The following ACTR3 variants were observed in gnomAD, a reference collection of about 807,000 sequenced individuals.
ACTR3 encodes actin-related protein 3.
In ACTR3, 12 loss-of-function variants were observed where a neutral mutation model predicts 56.8. That is an observed-to-expected ratio of 0.21 (90% confidence interval 0.14 to 0.34). The LOEUF (loss-of-function observed/expected upper bound fraction) is 0.34, where lower values mean the gene tolerates loss of function less well. ACTR3 is among the 10% of genes least tolerant of loss of function. The probability of loss-of-function intolerance (pLI) is 1.00; values close to 1 mark genes in which losing one functional copy is unlikely to be tolerated. For missense variants in ACTR3, 282 were observed against 512.5 expected (o/e 0.55, Z 4.34); for synonymous variants, 162 against 167.4 (o/e 0.97, Z 0.25).
chr2:113,956,585 G>C (rs969883965), intron 11 of ACTR3, among the ~76,000 whole-genome samples: 1 of 152,034 alleles, frequency 6.6e-6, no homozygotes, highest in African/African-American at 2.4e-5. Flanking sequence ...ACTGAATAAA[G>C]GGAATTATTC....
chr2:113,922,623 G>A (rs1173823329), intron 3 of ACTR3, among the ~76,000 whole-genome samples: 2 of 84,722 alleles, frequency 2.4e-5, no homozygotes, highest in Non-Finnish European at 2.4e-5. Context: ...TGAGAATAAT[G>A]ACTATGAATT....
chr2:113,927,286 TTTTA>T (rs905232283), intron 3 of ACTR3, 55 bp from the exon 4 acceptor site: 25 of 1,176,216 alleles, frequency 2.1e-5, no homozygotes, highest in Admixed American at 1.3e-4. Flanking sequence ...TTTTTTGTAT[TTTTA>T]TTTGTTTTTT....
At chr2:113,894,363 G>A (rs6730373) in intron 1 of ACTR3, among the ~76,000 whole-genome samples, 18,638 of 152,136 alleles carry the variant, frequency 0.12, 1,825 homozygotes, top group African/African-American at 0.27. Flanking sequence ...AGAGTGCTGG[G>A]ATTACAGACA....
chr2:113,904,839 G>C, intron 1 of ACTR3: 1 of 152,090 alleles, frequency 6.6e-6, no homozygotes, highest in Admixed American at 6.5e-5. Context: ...AACCATTTCT[G>C]TTGTTCTGGG....
chr2:113,909,213 A>G (rs1001844800), intron 1 of ACTR3, among the ~76,000 whole-genome samples: 1 of 152,170 alleles, frequency 6.6e-6, no homozygotes, highest in Non-Finnish European at 1.5e-5. Context: ...ACAATTGGAT[A>G]CTGTATGCAT....
intron 6 of ACTR3, among the ~76,000 whole-genome samples, chr2:113,936,302 C>CAAAAAAAA (rs61526382): frequency 1.2e-3 from 94 of 78,280 alleles, no homozygotes; most frequent in African/African-American, 4.3e-3. Context: ...ACCCTGTCTC[C>CAAAAAAAA]AAAAAAAAAA....
chr2:113,928,409 G>A (rs1290791838), intron 4 of ACTR3, among the ~76,000 whole-genome samples: 7 of 152,110 alleles, frequency 4.6e-5, no homozygotes, highest in Non-Finnish European at 7.4e-5. Flanking sequence ...ACTTTAGCAC[G>A]TATTTCATCA....
chr2:113,940,819 G>T (rs1421516445), intron 7 of ACTR3, among the ~76,000 whole-genome samples: 11 of 134,592 alleles, frequency 8.2e-5, no homozygotes, highest in Admixed American at 2.2e-4. Context: ...TATTTTTATT[G>T]ATTTTTTTTT....
intron 1 of ACTR3, among the ~76,000 whole-genome samples, chr2:113,896,050 G>C (rs1679002218): frequency 6.6e-6 from 1 of 152,084 alleles, no homozygotes. Context: ...TGTAGAGATG[G>C]GGTCTCACTG....
chr2:113,925,853 A>G (rs1679610494), intron 3 of ACTR3, among the ~76,000 whole-genome samples: 1 of 152,176 alleles, frequency 6.6e-6, no homozygotes, highest in African/African-American at 2.4e-5. Flanking sequence ...TTTGTTCATT[A>G]ATTTGTTTAA....
intron 1 of ACTR3, 84 bp from the exon 2 acceptor site, chr2:113,913,088 C>A: frequency 1.1e-6 from 1 of 926,826 alleles, no homozygotes; most frequent in South Asian, 1.6e-5. Context: ...TGGAATCTCA[C>A]TTCATAACAA....
rs182309202 is a variant in ACTR3, at chr2:113,902,867, G to T, written c.45-10305G>T. 1.7e-3 allele frequency among the ~76,000 whole-genome samples: 252 copies of T among 152,320 alleles called. 2 individuals carry two copies. Among genetic ancestry groups the T allele is most frequent in the Non-Finnish European group, 7.2e-4 (49 of 68,034 alleles). On this transcript the variant is annotated intron_variant, in intron 1 of 11. Coordinates refer to ENST00000263238, the MANE Select transcript of ACTR3 (RefSeq NM_005721.5). ...GCCCGCCTGGGCCTCCCAAAGTGCT[G>T]GGATTACAGGGATGAGCCACTGCTT...
chr2:113,932,094 TC>T (rs1679734166), intron 5 of ACTR3, among the ~76,000 whole-genome samples: 1 of 152,226 alleles, frequency 6.6e-6, no homozygotes, highest in Non-Finnish European at 1.5e-5. Flanking sequence ...CTGACTTTGC[TC>T]TTTCTTGGGA....
At chr2:113,930,004 G>A (rs6732715) in intron 4 of ACTR3, among the ~76,000 whole-genome samples, 152,026 of 152,360 alleles carry the variant, frequency 1, 75,846 homozygotes, top group Middle Eastern at 1. Flanking sequence ...AATTTTAGCC[G>A]TTCTGGTGGG....
intron 3 of ACTR3, among the ~76,000 whole-genome samples, chr2:113,925,731 A>G (rs572794355): frequency 7.0e-4 from 106 of 152,322 alleles, no homozygotes; most frequent in African/African-American, 2.4e-3. Flanking sequence ...TTCCTTCCTT[A>G]AAGCAAACTG....
chr2:113,929,959 G>A (rs1261271481), intron 4 of ACTR3, among the ~76,000 whole-genome samples: 1 of 152,166 alleles, frequency 6.6e-6, no homozygotes, highest in African/African-American at 2.4e-5. Context: ...GATTATAGAT[G>A]TGAGCCACTG....
rs1264884085 is a variant in ACTR3 at position 113,961,604 on chromosome 2, T to C, written c.*4149T>C. 2 of 151,966 alleles carry C rather than the reference T, an allele frequency of 1.3e-5. No individual in the cohort carries two copies. Among genetic ancestry groups the C allele is most frequent in the East Asian group, 3.8e-4 (2 of 5,198 alleles). 9.4% of individuals were successfully genotyped at this position (151,966 alleles called of 1,614,324 possible). On this transcript the variant is annotated 3_prime_UTR_variant, in exon 12 of 12. Coordinates refer to ENST00000263238, the MANE Select transcript of ACTR3 (RefSeq NM_005721.5). ...CCAACATTCACTTATATTACCTATA[T>C]ATTGCATCAAGTTTTGAGCCTTCAA...
chr2:113,934,329 G>T lies in ACTR3; in HGVS notation c.483G>T (p.Arg161=). The T allele has an allele frequency of 6.2e-7, 1 of 1,610,382 alleles. No individual in the cohort carries two copies. Among genetic ancestry groups the T allele is most frequent in the East Asian group, 2.2e-5 (1 of 44,728 alleles). ...GGACCTCAAGACAAGTAGGAGAACG[G>T]ACGTTGACCGGTACGGTAATAGACA... The part of the protein sequence containing the change: ...ASWTSRQVGE[R]TLTGTVIDSG... Residue 161 remains arginine, a synonymous_variant, in exon 6 of 12, where the codon CGG becomes CGT. Coordinates refer to ENST00000263238, the MANE Select transcript of ACTR3 (RefSeq NM_005721.5).
chr2:113,957,377 A>G lies in ACTR3; in HGVS notation c.1179A>G (p.Val393=), dbSNP rs1358557469. ...MLASTPEFYQ[V]CHTKKDYEEI... is the part of the protein sequence containing the mutation. ...GTTTTCAGCCTGAGTTCTACCAAGT[A>G]TGCCACACCAAAAAGGATTATGAAG... Residue 393 remains valine, a synonymous_variant, in exon 12 of 12, where the codon GTA becomes GTG. Coordinates refer to ENST00000263238, the MANE Select transcript of ACTR3 (RefSeq NM_005721.5). The G allele has an allele frequency of 4.3e-6, 7 of 1,613,290 alleles. No individual in the cohort carries two copies. Among genetic ancestry groups the G allele is most frequent in the African/African-American group, 1.3e-5 (1 of 74,886 alleles).
Sources: gnomAD v4.1 joint callset for allele counts (sites outside exome capture counted in the v4.1 genomes callset) on GRCh38, gnomAD v4.1.1 for gene constraint, MANE v1.5 for transcripts, NCBI Gene and HGNC (gene_info 2026-07-23, HGNC 2026-07-21) for gene names.